Variants in GARRE1 observed in about 807,000 individuals in gnomAD.
The protein encoded by GARRE1 is granule associated Rac and RHOG effector 1, also known as granule associated Rac and RHOG effector protein 1.
A neutral mutation model predicts 103.2 loss-of-function variants in GARRE1; 49 were observed. The ratio of observed to expected loss-of-function variants is 0.47; its 90% CI spans 0.38 to 0.60. GARRE1 has a LOEUF of 0.60. GARRE1 is among the 20% of genes least tolerant of loss of function. The pLI, the probability that GARRE1 is intolerant of heterozygous loss-of-function variation, is 0.00. For missense variants in GARRE1, 1,199 were observed against 1,370.5 expected, an observed-to-expected ratio of 0.87 and a Z score of 1.98; for synonymous variants, 505 against 532.8, an observed-to-expected ratio of 0.95 and a Z score of 0.72.
intron 6 of GARRE1, among the ~76,000 whole-genome samples, chr19:34,328,872 T>C (rs2074125048): frequency 6.6e-6 from 1 of 152,154 alleles, no homozygotes; most frequent in Non-Finnish European, 1.5e-5. Context: ...CCTCCAAAAG[T>C]CCTGGGATTA....
intron 3 of GARRE1, among the ~76,000 whole-genome samples, chr19:34,323,491 G>A (rs1209598458): frequency 1.3e-5 from 2 of 152,096 alleles, no homozygotes; most frequent in Non-Finnish European, 2.9e-5. Context: ...TTTCTTGCAT[G>A]TTTTGGTCTG....
intron 12 of GARRE1, among the ~76,000 whole-genome samples, chr19:34,351,185 A>G (rs1225782020): frequency 7.2e-6 from 1 of 138,286 alleles, no homozygotes; most frequent in Non-Finnish European, 1.5e-5. Flanking sequence ...GGAAACAGTG[A>G]GACTCAGTCT....
intron 2 of GARRE1, among the ~76,000 whole-genome samples, chr19:34,318,087 G>T (rs2074068230): frequency 6.6e-6 from 1 of 152,182 alleles, no homozygotes; most frequent in Non-Finnish European, 1.5e-5. Flanking sequence ...TTTGTGTGCG[G>T]TTTTTTGTTT....
rs142122729 is a variant in GARRE1 at position 34,272,333 on chromosome 19, G to A, written c.-796+17719G>A. Among the ~76,000 whole-genome samples the A allele has an allele frequency of 2.4e-4, 36 of 152,136 alleles. No homozygotes were observed. The East Asian group carries it at 6.4e-3, about 27-fold the overall frequency. ...GGTTCAAGTGATTCCCAGATAGCTGGGATCACAGGCGCCCACCACCATGCC... is the reference window on the plus strand; with the variant it reads ...GGTTCAAGTGATTCCCAGATAGCTGAGATCACAGGCGCCCACCACCATGCC... On this transcript the variant is annotated intron_variant, in intron 1 of 13. Transcript: ENST00000299505.
At chr19:34,266,671 A>G (rs1457090227) in intron 1 of GARRE1, among the ~76,000 whole-genome samples, 1 of 152,160 alleles carries the variant, frequency 6.6e-6, no homozygotes, top group Non-Finnish European at 1.5e-5. Flanking sequence ...AGGGATGGGA[A>G]GGTTTGCTGG....
At chr19:34,347,234 G>A (rs1295486062) in intron 10 of GARRE1, among the ~76,000 whole-genome samples, 5 of 152,090 alleles carry the variant, frequency 3.3e-5, no homozygotes, top group East Asian at 3.9e-4. Context: ...GATTACAGGC[G>A]CCTGCCACCG....
rs150809291 is a variant in GARRE1 at position 34,341,802 on chromosome 19, G to A, written c.1868G>A (p.Arg623His). 1.1e-4 allele frequency: 185 copies of A among 1,614,066 alleles called. 1 individual carries two copies. The highest frequency in any genetic ancestry group is 1.1e-4 in the African/African-American group (8 of 74,914). ...GCCAATGGCTTTCTCATGGAGAGGC[G>A]TGAGAACTTCCTGCATGGAGATGAC... ...TVANGFLMER[R>H]ENFLHGDDGK... The change falls in exon 10 of 14, where the codon CGT (arginine) becomes CAT (histidine). Residue 623 changes from arginine to histidine, a missense_variant. Physicochemically the swap from Arg to His is conservative, Grantham distance 29. Transcript: ENST00000299505.
At position 34,342,023 on chromosome 19, in the gene GARRE1, C is replaced by T. The variant is rs754568406; in HGVS notation, c.2089C>T (p.Pro697Ser). 3 of 1,614,046 alleles carry T rather than the reference C, an allele frequency of 1.9e-6. No homozygotes were observed. The Admixed American group carries it at 5.0e-5, about 27-fold the overall frequency. The change falls in exon 10 of 14, where the codon CCC becomes TCC. Residue 697 changes from proline to serine, a missense_variant. By Grantham distance (74) the Pro-to-Ser change is moderately conservative. Transcript: ENST00000299505. ...MQPQQPSLPV[P>S]PPPRAPQAGA... ...ACCACAGCAGCCGTCACTGCCTGTG[C>T]CCCCTCCACCACGGGCACCCCAGGC...
intron 1 of GARRE1, among the ~76,000 whole-genome samples, chr19:34,258,086 C>T (rs1246960396): frequency 6.6e-6 from 1 of 151,892 alleles, no homozygotes; most frequent in African/African-American, 2.4e-5. Flanking sequence ...GATGGGGTTT[C>T]ACCATGTTGG....
chr19:34,333,451 G>A (rs1321259528), intron 7 of GARRE1, among the ~76,000 whole-genome samples: 2 of 152,178 alleles, frequency 1.3e-5, no homozygotes, highest in Admixed American at 1.3e-4. Context: ...TTTGGAAAAA[G>A]TGCTAGAGGT....
At chr19:34,284,127 CTTTT>C (rs10608784) in intron 1 of GARRE1, among the ~76,000 whole-genome samples, 27 of 73,416 alleles carry the variant, frequency 3.7e-4, no homozygotes, top group East Asian at 7.6e-4. Context: ...GCCCGGCTTT[CTTTT>C]TTTTTTTTTT....
At chr19:34,273,253 C>T (rs1215021271) in intron 1 of GARRE1, among the ~76,000 whole-genome samples, 2 of 152,136 alleles carry the variant, frequency 1.3e-5, no homozygotes, top group Admixed American at 1.3e-4. Flanking sequence ...AGCACAGTGC[C>T]TGGCTCTTAC....
At chr19:34,337,164 T>G (rs1255230195) in intron 8 of GARRE1, among the ~76,000 whole-genome samples, 1 of 151,586 alleles carries the variant, frequency 6.6e-6, no homozygotes, top group Non-Finnish European at 1.5e-5. Context: ...TATCCATCCA[T>G]GCTTTGTTTC....
chr19:34,291,128 A>C (rs2073915609), intron 1 of GARRE1, among the ~76,000 whole-genome samples: 1 of 151,724 alleles, frequency 6.6e-6, no homozygotes, highest in African/African-American at 2.4e-5. Flanking sequence ...GGCTGGTCTC[A>C]AACTCCTGAC....
chr19:34,341,305 G>A (rs1024896466), intron 9 of GARRE1, 117 bp from the exon 10 acceptor site: 7 of 816,244 alleles, frequency 8.6e-6, no homozygotes, highest in Admixed American at 2.7e-5. Flanking sequence ...AAGTGAACCC[G>A]ATACCAACCT....
chr19:34,351,644 A>G, intron 13 of GARRE1, 52 bp downstream of exon 13: 1 of 1,289,022 alleles, frequency 7.8e-7, no homozygotes, highest in Non-Finnish European at 1.1e-6. Flanking sequence ...CCACAGCTGC[A>G]GTTTTCAGAG....
chr19:34,260,665 TGAAG>T (rs1309875448), intron 1 of GARRE1, among the ~76,000 whole-genome samples: 1 of 152,174 alleles, frequency 6.6e-6, no homozygotes, highest in African/African-American at 2.4e-5. Context: ...AAGTATTTGT[TGAAG>T]GAATGAATGA....
intron 10 of GARRE1, among the ~76,000 whole-genome samples, chr19:34,344,633 G>A (rs978366165): frequency 5.3e-5 from 8 of 151,356 alleles, no homozygotes; most frequent in African/African-American, 1.7e-4. Flanking sequence ...GAAACACCCA[G>A]CATTTGTTAC....
intron 2 of GARRE1, among the ~76,000 whole-genome samples, chr19:34,302,736 GTTTTTTTTTTT>G (rs35460135): frequency 7.7e-6 from 1 of 129,052 alleles, no homozygotes; most frequent in African/African-American, 3.0e-5. Flanking sequence ...GTCTTTGATA[GTTTTTTTTTTT>G]TTTTTTTTTT....
Sources: gnomAD v4.1 joint callset for allele counts (sites outside exome capture counted in the v4.1 genomes callset) on GRCh38, gnomAD v4.1.1 for gene constraint, MANE v1.5 for transcripts, NCBI Gene and HGNC (gene_info 2026-07-23, HGNC 2026-07-21) for gene names.